The following DCLK2 variants were observed in gnomAD, a reference collection of about 807,000 sequenced individuals.
DCLK2 encodes the protein serine/threonine-protein kinase DCLK2.
A neutral mutation model predicts 78.4 loss-of-function variants in DCLK2; 31 were observed. That is an observed-to-expected ratio of 0.40 (90% CI 0.30 to 0.53). DCLK2 has a LOEUF of 0.53. Ranked by LOEUF, DCLK2 falls within the 20% of genes least tolerant of loss-of-function variation. The pLI is 0.61. For synonymous variants in DCLK2, 407 were observed against 374.9 expected (o/e 1.09, Z -0.99); for missense variants, 872 against 973.7 (o/e 0.90, Z 1.39).
At chr4:150,091,457 T>G (rs1001443553) in intron 1 of DCLK2, among the ~76,000 whole-genome samples, 3 of 152,194 alleles carry the variant, frequency 2.0e-5, no homozygotes, top group Non-Finnish European at 4.4e-5. Flanking sequence ...TCTCTAAGTT[T>G]GAAGAGTCCT....
chr4:150,181,336 G>T (rs1580664082), intron 2 of DCLK2, among the ~76,000 whole-genome samples: 1 of 152,138 alleles, frequency 6.6e-6, no homozygotes, highest in Admixed American at 6.5e-5. Flanking sequence ...ACCTTTTCCT[G>T]TGGGAATTAA....
chr4:150,222,865 CAA>C (rs879903066), intron 7 of DCLK2, among the ~76,000 whole-genome samples: 23 of 123,100 alleles, frequency 1.9e-4, no homozygotes, highest in South Asian at 2.6e-4. Context: ...GACTGTGTCT[CAA>C]AAAAAAAAAA....
At chr4:150,177,356 G>A (rs565843106) in intron 2 of DCLK2, among the ~76,000 whole-genome samples, 1 of 152,218 alleles carries the variant, frequency 6.6e-6, no homozygotes, top group African/African-American at 2.4e-5. Flanking sequence ...TGGAGTAACA[G>A]CTCTGCATAA....
chr4:150,096,106 C>T (rs978863420), intron 1 of DCLK2, among the ~76,000 whole-genome samples: 8 of 152,186 alleles, frequency 5.3e-5, no homozygotes, highest in Non-Finnish European at 8.8e-5. Context: ...CTCTTTACTA[C>T]TCTAATCCGG....
At chr4:150,178,048 T>G (rs1737213035) in intron 2 of DCLK2, among the ~76,000 whole-genome samples, 1 of 152,198 alleles carries the variant, frequency 6.6e-6, no homozygotes, top group Non-Finnish European at 1.5e-5. Flanking sequence ...TTGCTGTAAC[T>G]CTTCAATCCT....
chr4:150,244,780 C>A (rs113488165), intron 12 of DCLK2, among the ~76,000 whole-genome samples: 238 of 152,328 alleles, frequency 1.6e-3, no homozygotes, highest in African/African-American at 5.6e-3. Flanking sequence ...TTGCAACTTA[C>A]AGTGGATACT....
At chr4:150,111,150 T>G (rs923734544) in intron 2 of DCLK2, among the ~76,000 whole-genome samples, 15 of 152,306 alleles carry the variant, frequency 9.8e-5, no homozygotes, top group African/African-American at 3.6e-4. Flanking sequence ...CATCTATTTT[T>G]TTTTGACTTT....
intron 2 of DCLK2, among the ~76,000 whole-genome samples, chr4:150,119,196 G>A (rs1040599365): frequency 9.9e-5 from 15 of 151,732 alleles, no homozygotes; most frequent in African/African-American, 1.2e-4. Flanking sequence ...TCTTCATATC[G>A]CATACCTGAA....
In DCLK2 at chr4:150,079,177, C is replaced by A; in HGVS notation, c.150C>A (p.His50Gln). ...KGNGLIPSPA[H>Q]SAHCSFYRTR... ...ACGGGCTCATCCCCAGTCCGGCGCA[C>A]AGTGCCCACTGCAGCTTCTACCGCA... is the stretch of plus-strand genomic sequence containing the variant. The change falls in exon 1 of 16, where the codon CAC (histidine) becomes CAA (glutamine). Residue 50 changes from histidine to glutamine, a missense_variant. Coordinates refer to ENST00000296550, the MANE Select transcript of DCLK2 (RefSeq NM_001040260.4). 6.2e-7 allele frequency: 1 copy of A among 1,610,252 alleles called. No individual in the cohort carries two copies.
At chr4:150,143,781 A>C (rs1734265042) in intron 2 of DCLK2, among the ~76,000 whole-genome samples, 1 of 151,992 alleles carries the variant, frequency 6.6e-6, no homozygotes, top group Admixed American at 6.6e-5. Flanking sequence ...GTGGGGCTTT[A>C]ATTTGCATTT....
chr4:150,108,441 G>C (rs1731425348), intron 2 of DCLK2, among the ~76,000 whole-genome samples: 3 of 151,932 alleles, frequency 2.0e-5, no homozygotes, highest in Admixed American at 2.0e-4. Flanking sequence ...CTACACGGGA[G>C]GCTGAGGCAG....
chr4:150,108,332 C>T, intron 2 of DCLK2, among the ~76,000 whole-genome samples: 1 of 151,506 alleles, frequency 6.6e-6, no homozygotes, highest in Non-Finnish European at 1.5e-5. Flanking sequence ...ATCTCCTGAC[C>T]TTTAGTTTTC....
At chr4:150,240,224 G>C (rs531960033) in intron 11 of DCLK2, among the ~76,000 whole-genome samples, 175 bp from the exon 12 acceptor site, 2 of 152,266 alleles carry the variant, frequency 1.3e-5, no homozygotes, top group South Asian at 4.1e-4. Context: ...TGGTTAGGTT[G>C]GCAGAAACAG....
intron 8 of DCLK2, among the ~76,000 whole-genome samples, chr4:150,228,957 C>T (rs1270490174): frequency 5.3e-5 from 8 of 150,972 alleles, no homozygotes; most frequent in Admixed American, 2.0e-4. Flanking sequence ...ACCCGGGAAG[C>T]GGAGCTTGCA....
In DCLK2 at chr4:150,078,581, G is replaced by GCCCCA. The variant is rs1355663067; in HGVS notation, c.-443_-439dup. The GCCCCA allele has an allele frequency of 6.6e-6, 1 of 151,426 alleles. No homozygotes were observed. Among genetic ancestry groups the GCCCCA allele is most frequent in the African/African-American group, 2.4e-5 (1 of 41,320 alleles). 9.4% of individuals were successfully genotyped at this position (151,426 alleles called of 1,614,324 possible). On this transcript the variant is annotated 5_prime_UTR_variant, in exon 1 of 16. Transcript: ENST00000296550. The stretch of plus-strand genomic sequence containing the variant: ...GGGCCTCTCCCACGCTCCGCGCCCC[G>GCCCCA]CCCCACCCTTCCTTCCTTCCTCCCC...
intron 5 of DCLK2, among the ~76,000 whole-genome samples, chr4:150,206,474 G>A (rs1057450821): frequency 2.0e-5 from 3 of 151,956 alleles, no homozygotes; most frequent in Non-Finnish European, 4.4e-5. Flanking sequence ...GTCTTTCCAG[G>A]ACCACCCCCT....
chr4:150,124,551 A>C (rs1002837171), intron 2 of DCLK2, among the ~76,000 whole-genome samples: 1 of 152,212 alleles, frequency 6.6e-6, no homozygotes, highest in Admixed American at 6.5e-5. Context: ...TGAATCATTA[A>C]GTTTATTAAA....
chr4:150,233,503 CAGAATT>C (rs1742238036), intron 10 of DCLK2, among the ~76,000 whole-genome samples: 1 of 152,082 alleles, frequency 6.6e-6, no homozygotes, highest in Admixed American at 6.5e-5. Flanking sequence ...AAATTTGAGA[CAGAATT>C]AGAGGCTCAT....
intron 2 of DCLK2, among the ~76,000 whole-genome samples, chr4:150,126,930 C>G (rs761258512): frequency 6.6e-6 from 1 of 152,106 alleles, no homozygotes; most frequent in Non-Finnish European, 1.5e-5. Flanking sequence ...CTGTCTTTGT[C>G]TCTCATGATC....
Sources: allele counts gnomAD v4.1 joint callset (sites outside exome capture counted in the v4.1 genomes callset), GRCh38; gene constraint gnomAD v4.1.1; transcripts MANE v1.5; gene names NCBI Gene and HGNC (gene_info 2026-07-23, HGNC 2026-07-21).